Variants in IGSF23 observed in about 807,000 individuals in gnomAD.
IGSF23 encodes the protein immunoglobulin superfamily, member 23.
IGSF23 carries 14 observed loss-of-function variants against 17.8 expected under a neutral mutation model. The observed-to-expected ratio is 0.79, with a 90% CI of 0.52 to 1.23. IGSF23 has a LOEUF of 1.23. Ranked by LOEUF, IGSF23 falls within the 50% of genes most tolerant of loss-of-function variation. The pLI, the probability that IGSF23 is intolerant of heterozygous loss-of-function variation, is 0.00. For synonymous variants in IGSF23, 85 were observed against 92.5 expected (o/e 0.92, Z 0.46); for missense variants, 214 against 241.7 (o/e 0.89, Z 0.76).
chr19:44,629,056 C>T (rs1370467099), intron 3 of IGSF23, among the ~76,000 whole-genome samples: 1 of 152,064 alleles, frequency 6.6e-6, no homozygotes, highest in Admixed American at 6.6e-5. Context: ...GAAGAATGGG[C>T]AGAGAAGTAA....
At position 44,635,483 on chromosome 19, in the gene IGSF23, G is replaced by A; in HGVS notation, c.*31+18G>A. The A allele has an allele frequency of 6.5e-7, 1 of 1,530,596 alleles. No individual in the cohort carries two copies. Among genetic ancestry groups the A allele is most frequent in the Non-Finnish European group, 8.8e-7 (1 of 1,130,574 alleles). The allele number at this position is 1,530,596 out of a possible 1,614,324, so 94.8% of individuals were successfully genotyped here. On this transcript the variant is annotated intron_variant, in intron 4 of 4. Transcript: ENST00000402988. ...CTGAAGAGGTAATACCAGGAAGGGT[G>A]TGAAGGAAATCCTAGGTTTGGGAAC...
intron 1 of IGSF23, among the ~76,000 whole-genome samples, chr19:44,619,868 T>C (rs776300227): frequency 2.6e-5 from 4 of 152,212 alleles, no homozygotes; most frequent in Non-Finnish European, 4.4e-5. Context: ...TCTGAGGTAC[T>C]GGGGGTTAGG....
chr19:44,636,486 C>T lies in IGSF23; in HGVS notation c.*99C>T, dbSNP rs894949425. ...CATCCCATAGCTTCCAAGTCTACAA[C>T]ATCTCTGTTCAAGGGAACAACCCAA... On this transcript the variant is annotated 3_prime_UTR_variant, in exon 5 of 5. Transcript: ENST00000402988. 1 of 152,334 alleles carries T rather than the reference C, an allele frequency of 6.6e-6. No homozygotes were observed. The highest frequency in any genetic ancestry group is 2.1e-4 in the South Asian group (1 of 4,818). 9.4% of individuals were successfully genotyped at this position (152,334 alleles called of 1,614,324 possible). A position where few individuals can be genotyped will look rare whatever the true frequency, so the allele number is the denominator to read the frequency against.
rs1463720262 is a variant in IGSF23, at chr19:44,617,768, G to A, written c.125+3998G>A. ...AGAAGACATTAGTAGTATATGGAGA[G>A]AGACACTCAACAGGAGCTGTGGGCT... On this transcript the variant is annotated intron_variant, in intron 1 of 4. Coordinates refer to ENST00000402988, the MANE Select transcript of IGSF23 (RefSeq NM_001205280.2). 2.0e-5 allele frequency among the ~76,000 whole-genome samples: 3 copies of A among 152,148 alleles called. No homozygotes were observed. In the South Asian group the frequency reaches 6.2e-4, roughly 32 times the overall value.
At chr19:44,624,569 G>C (rs1436879746) in intron 2 of IGSF23, among the ~76,000 whole-genome samples, 1 of 151,904 alleles carries the variant, frequency 6.6e-6, no homozygotes, top group East Asian at 1.9e-4. Flanking sequence ...ACAGACATGA[G>C]CCACCTCGCC....
chr19:44,615,006 T>C (rs1377333236), intron 1 of IGSF23, among the ~76,000 whole-genome samples: 1 of 152,146 alleles, frequency 6.6e-6, no homozygotes, highest in African/African-American at 2.4e-5. Context: ...AGTTCACTTC[T>C]GAGTTGGGCG....
intron 1 of IGSF23, among the ~76,000 whole-genome samples, chr19:44,615,449 C>T (rs1391442129): frequency 6.6e-6 from 1 of 151,826 alleles, no homozygotes; most frequent in African/African-American, 2.4e-5. Context: ...CATGGAGAAA[C>T]CCCGTCTCTA....
chr19:44,624,062 C>T, intron 2 of IGSF23, 90 bp downstream of exon 2: 1 of 1,195,706 alleles, frequency 8.4e-7, no homozygotes, highest in Non-Finnish European at 1.2e-6. Flanking sequence ...CATTAAGCCA[C>T]CTACTATGAG....
chr19:44,633,639 G>A (rs959460084), intron 3 of IGSF23, among the ~76,000 whole-genome samples: 1 of 152,200 alleles, frequency 6.6e-6, no homozygotes, highest in African/African-American at 2.4e-5. Context: ...GTTAAATTGA[G>A]TGGGTTGAAT....
intron 3 of IGSF23, 25 bp from the exon 4 acceptor site, chr19:44,635,358 CTCTCTCTCTCTCTCTCTG>C (rs1463050455): frequency 7.1e-6 from 10 of 1,400,600 alleles, no homozygotes; most frequent in Admixed American, 2.1e-5. Flanking sequence ...TTCTCTCTCT[CTCTCTCTCTCTCTCTCTG>C]TCTCTCTCTC....
intron 3 of IGSF23, among the ~76,000 whole-genome samples, chr19:44,630,502 A>G (rs1168491139): frequency 6.6e-6 from 1 of 152,240 alleles, no homozygotes; most frequent in East Asian, 1.9e-4. Flanking sequence ...GGGAAAGGTG[A>G]GGAGTCAGGC....
intron 1 of IGSF23, chr19:44,618,280 A>T: frequency 2.3e-6 from 1 of 441,960 alleles, no homozygotes; most frequent in Non-Finnish European, 4.7e-6. Flanking sequence ...GGACCTGCTC[A>T]CACTGGCCGG....
chr19:44,623,693 G>C lies in IGSF23; in HGVS notation c.126-14G>C. ...CTCCACTCTTGTGGCCTTGTTCCCT[G>C]TTTGCACAGACAGCCTCCAACTAAT... On this transcript the variant is annotated splice_polypyrimidine_tract_variant and intron_variant, in intron 1 of 4. Coordinates refer to ENST00000402988, the MANE Select transcript of IGSF23 (RefSeq NM_001205280.2). 6.4e-7 allele frequency: 1 copy of C among 1,550,922 alleles called. No individual in the cohort carries two copies. Among genetic ancestry groups the C allele is most frequent in the Non-Finnish European group, 8.7e-7 (1 of 1,146,964 alleles).
intron 1 of IGSF23, among the ~76,000 whole-genome samples, chr19:44,616,687 C>G (rs1482113229): frequency 8.8e-6 from 1 of 114,276 alleles, no homozygotes; most frequent in Non-Finnish European, 1.8e-5. Context: ...CAGAGCGAGA[C>G]TCCATCTCAA....
chr19:44,628,378 G>C (rs189434744), intron 3 of IGSF23, among the ~76,000 whole-genome samples: 1 of 152,288 alleles, frequency 6.6e-6, no homozygotes, highest in African/African-American at 2.4e-5. Context: ...ACAGCAGAAA[G>C]ACCCTGCCCT....
At chr19:44,615,550 G>A (rs1599726849) in intron 1 of IGSF23, among the ~76,000 whole-genome samples, 1 of 151,870 alleles carries the variant, frequency 6.6e-6, no homozygotes, top group Non-Finnish European at 1.5e-5. Context: ...TTGAACCCAG[G>A]AGGCGGAGGT....
chr19:44,623,920 C>A lies in IGSF23; in HGVS notation c.339C>A (p.Ala113=), dbSNP rs1972577752. Residue 113 remains alanine (A), a synonymous_variant, in exon 2 of 5, where the codon GCC becomes GCA. Coordinates refer to ENST00000402988, the MANE Select transcript of IGSF23 (RefSeq NM_001205280.2). ...CEQLGTYMCI[A]TNSKKQLVSE... ...AGCTGGGCACCTACATGTGCATAGC[C>A]ACAAACAGCAAGAAACAGCTGGTCT... 6.4e-7 allele frequency: 1 copy of A among 1,550,676 alleles called. No individual in the cohort carries two copies. The highest frequency in any genetic ancestry group is 8.7e-7 in the Non-Finnish European group (1 of 1,147,058).
At chr19:44,613,916 A>G (rs965438323) in intron 1 of IGSF23, 146 bp downstream of exon 1, 111 of 1,547,812 alleles carry the variant, frequency 7.2e-5, no homozygotes, top group Non-Finnish European at 9.7e-5. Flanking sequence ...CAGTCCCTGG[A>G]CAGAACACGA....
intron 2 of IGSF23, among the ~76,000 whole-genome samples, chr19:44,625,516 C>A (rs1972625789): frequency 6.6e-6 from 1 of 152,152 alleles, no homozygotes; most frequent in Admixed American, 6.6e-5. Flanking sequence ...GCGCAAGTGA[C>A]TTCCCCTCTC....
Sources: allele counts gnomAD v4.1 joint callset (sites outside exome capture counted in the v4.1 genomes callset), GRCh38; gene constraint gnomAD v4.1.1; transcripts MANE v1.5; gene names NCBI Gene and HGNC (gene_info 2026-07-23, HGNC 2026-07-21).